CPQ: variants seen among roughly 807,000 people sequenced by gnomAD.
CPQ encodes the protein carboxypeptidase Q.
A neutral mutation model predicts 45.7 loss-of-function variants in CPQ; 37 were observed. The ratio of observed to expected loss-of-function variants is 0.81; its 90% CI spans 0.62 to 1.07. The LOEUF is 1.07. Ranked by LOEUF, CPQ falls within the 50% of genes least tolerant of loss-of-function variation. CPQ has a pLI of 0.00. For synonymous variants in CPQ, 186 were observed against 205.8 expected (o/e 0.90, Z 0.82); for missense variants, 537 against 572.9 (o/e 0.94, Z 0.64).
intron 1 of CPQ, among the ~76,000 whole-genome samples, chr8:96,782,460 G>T (rs762377553): frequency 6.6e-6 from 1 of 152,108 alleles, no homozygotes; most frequent in Non-Finnish European, 1.5e-5. Context: ...AGGTCCCCTG[G>T]GTGCCTCTTT....
At chr8:96,773,262 CAAAT>C (rs538234600) in intron 1 of CPQ, among the ~76,000 whole-genome samples, 4 of 151,878 alleles carry the variant, frequency 2.6e-5, no homozygotes, top group East Asian at 1.9e-4. Flanking sequence ...TATGCAAAGA[CAAAT>C]AAACAATTAG....
chr8:96,761,457 G>C (rs1029969337), intron 1 of CPQ: 4 of 152,244 alleles, frequency 2.6e-5, no homozygotes, highest in African/African-American at 9.7e-5. Context: ...GGGTCTACAA[G>C]GTGACTGGTG....
intron 1 of CPQ, among the ~76,000 whole-genome samples, chr8:96,745,006 G>T (rs1376349514): frequency 2.6e-5 from 4 of 152,102 alleles, no homozygotes; most frequent in Middle Eastern, 3.2e-3. Context: ...AGGGTTAAAT[G>T]GCAGTGTAAA....
chr8:97,137,124 T>C (rs1244789857), intron 7 of CPQ, among the ~76,000 whole-genome samples: 2 of 152,234 alleles, frequency 1.3e-5, no homozygotes, highest in Non-Finnish European at 2.9e-5. Flanking sequence ...AGAATGTTCA[T>C]GGGAACTTAG....
intron 4 of CPQ, among the ~76,000 whole-genome samples, chr8:96,926,590 C>T (rs987122176): frequency 7.0e-6 from 1 of 143,232 alleles, no homozygotes; most frequent in Non-Finnish European, 1.5e-5. Flanking sequence ...TCTTCTTCTT[C>T]TTCTTCTTCT....
chr8:96,876,932 A>C (rs866208568), intron 3 of CPQ, among the ~76,000 whole-genome samples: 2 of 152,096 alleles, frequency 1.3e-5, no homozygotes, highest in African/African-American at 2.4e-5. Context: ...GATGACAGTA[A>C]TGGTGGCCTT....
chr8:97,044,690 T>A (rs1190833498), intron 6 of CPQ, among the ~76,000 whole-genome samples: 1 of 152,196 alleles, frequency 6.6e-6, no homozygotes, highest in African/African-American at 2.4e-5. Flanking sequence ...GTTTGTTAGT[T>A]TTCCTTCTAA....
At chr8:96,741,077 G>C (rs1216701140) in intron 1 of CPQ, among the ~76,000 whole-genome samples, 4 of 152,220 alleles carry the variant, frequency 2.6e-5, no homozygotes, top group Non-Finnish European at 4.4e-5. Flanking sequence ...ACCTCTGGTA[G>C]AATTCGGCTG....
At chr8:96,992,105 T>A (rs1449029367) in intron 5 of CPQ, among the ~76,000 whole-genome samples, 2 of 152,252 alleles carry the variant, frequency 1.3e-5, no homozygotes, top group African/African-American at 4.8e-5. Context: ...CCTTCTCTGC[T>A]TATCATGACT....
At chr8:97,013,344 A>G (rs1809524040) in intron 5 of CPQ, among the ~76,000 whole-genome samples, 1 of 152,176 alleles carries the variant, frequency 6.6e-6, no homozygotes, top group Admixed American at 6.5e-5. Context: ...AAAATATCCT[A>G]TGTCCAAAAG....
intron 6 of CPQ, among the ~76,000 whole-genome samples, chr8:97,039,529 A>T (rs1011899263): frequency 4.0e-5 from 6 of 151,524 alleles, no homozygotes; most frequent in Admixed American, 1.3e-4. Context: ...CATGTGCACA[A>T]TGTGCAGGTT....
chr8:96,983,710 G>A (rs552357348), intron 5 of CPQ, among the ~76,000 whole-genome samples: 7 of 151,972 alleles, frequency 4.6e-5, no homozygotes, highest in African/African-American at 1.7e-4. Context: ...ATGTAGTTTG[G>A]GGTTTTATTG....
At chr8:97,061,086 A>C (rs973135666) in intron 6 of CPQ, among the ~76,000 whole-genome samples, 1 of 152,160 alleles carries the variant, frequency 6.6e-6, no homozygotes, top group African/African-American at 2.4e-5. Flanking sequence ...CGCTGCCATC[A>C]TGTAAGCAGC....
chr8:97,089,175 G>A (rs1342808635), intron 7 of CPQ, among the ~76,000 whole-genome samples: 3 of 150,944 alleles, frequency 2.0e-5, no homozygotes, highest in African/African-American at 7.3e-5. Context: ...CCCGGGAGGC[G>A]GAGGTTGTGG....
chr8:96,883,962 A>G lies in CPQ; in HGVS notation c.849+3957A>G, dbSNP rs552226831. 7.9e-5 allele frequency among the ~76,000 whole-genome samples: 12 copies of G among 152,322 alleles called. 1 individual carries two copies. In the East Asian group the frequency reaches 2.1e-3, roughly 27 times the overall value. On this transcript the variant is annotated intron_variant, in intron 4 of 7. Coordinates refer to ENST00000220763, the MANE Select transcript of CPQ (RefSeq NM_016134.4). ...TGGTAAAATGAAGGAGTAAGTAAGA[A>G]AAAAATGGTTGGAGGATGTTACTAA...
intron 3 of CPQ, among the ~76,000 whole-genome samples, chr8:96,850,363 A>G (rs1225511210): frequency 3.9e-5 from 6 of 152,132 alleles, no homozygotes; most frequent in Non-Finnish European, 7.4e-5. Context: ...CAAGGCTGAC[A>G]AAATGTCATC....
intron 7 of CPQ, among the ~76,000 whole-genome samples, chr8:97,070,924 G>T (rs917632379): frequency 9.2e-5 from 14 of 152,136 alleles, no homozygotes; most frequent in Admixed American, 6.5e-4. Context: ...ATGGTTCTTA[G>T]ATGTCCCTAA....
intron 4 of CPQ, among the ~76,000 whole-genome samples, chr8:96,952,279 C>CTATT (rs969065602): frequency 7.0e-4 from 107 of 152,220 alleles, no homozygotes; most frequent in Middle Eastern, 3.4e-3. Context: ...TCTCTGGCTT[C>CTATT]TATTTTCAGG....
At chr8:96,762,325 A>C (rs1563490556) in intron 1 of CPQ, among the ~76,000 whole-genome samples, 2 of 152,290 alleles carry the variant, frequency 1.3e-5, no homozygotes, top group Non-Finnish European at 1.5e-5. Context: ...GATTGAAGTT[A>C]TGACATGGAC....
Sources: allele counts gnomAD v4.1 joint callset (sites outside exome capture counted in the v4.1 genomes callset), GRCh38; gene constraint gnomAD v4.1.1; transcripts MANE v1.5; gene names NCBI Gene and HGNC (gene_info 2026-07-23, HGNC 2026-07-21).